EXTL3: variants seen among roughly 807,000 people sequenced by gnomAD.
EXTL3 encodes the protein exostosin like glycosyltransferase 3.
EXTL3 carries 27 observed loss-of-function variants against 69.3 expected under a neutral mutation model. That is an observed-to-expected ratio of 0.39 (90% CI 0.29 to 0.54). EXTL3 has a LOEUF of 0.54. Ranked by LOEUF, EXTL3 falls within the 20% of genes least tolerant of loss-of-function variation. The pLI is 0.69. For synonymous variants in EXTL3, 511 were observed against 499.4 expected, an observed-to-expected ratio of 1.02 and a Z score of -0.31; for missense variants, 1,003 against 1,231.8, an observed-to-expected ratio of 0.81 and a Z score of 2.78.
chr8:28,716,941 C>T lies in EXTL3; in HGVS notation c.882C>T (p.Gly294=), dbSNP rs773851874. ...TQNLLYNVST[G]RAMVAQSTFY... ...ACCTTCTCTATAACGTCAGTACTGG[C>T]CGTGCCATGGTGGCCCAGTCCACCT... Residue 294 remains glycine (G), a synonymous_variant, in exon 3 of 7, where the codon GGC becomes GGT. Transcript: ENST00000220562. This position sits in a 1 kb window ranked among gnomAD's most constrained non-coding sequence, Gnocchi z 7.1. 5 of 1,614,082 alleles carry T rather than the reference C, an allele frequency of 3.1e-6. No homozygotes were observed. The highest frequency in any genetic ancestry group is 4.2e-6 in the Non-Finnish European group (5 of 1,180,040).
At chr8:28,696,241 A>G (rs757626653) in intron 1 of EXTL3, 1 of 152,170 alleles carries the variant, frequency 6.6e-6, no homozygotes, top group African/African-American at 2.4e-5. Flanking sequence ...TGACATACAT[A>G]TAGAAAAGAA....
chr8:28,653,413 G>A (rs1404280715), intron 1 of EXTL3, among the ~76,000 whole-genome samples: 5 of 152,018 alleles, frequency 3.3e-5, no homozygotes, highest in Non-Finnish European at 7.4e-5. Flanking sequence ...TGTTACCTGT[G>A]CTTTTTAAGT....
intron 2 of EXTL3, among the ~76,000 whole-genome samples, chr8:28,614,980 G>C (rs1161195861): frequency 6.6e-6 from 1 of 151,658 alleles, no homozygotes; most frequent in Non-Finnish European, 1.5e-5. Flanking sequence ...TCCATTAGCT[G>C]TTCTTCCTGA....
chr8:28,650,801 T>C (rs1030774275), intron 1 of EXTL3, among the ~76,000 whole-genome samples: 1 of 152,212 alleles, frequency 6.6e-6, no homozygotes, highest in Non-Finnish European at 1.5e-5. Flanking sequence ...GCTAATATTA[T>C]ACAGTCTAAA....
In EXTL3 at chr8:28,701,507, T is replaced by G. The variant is rs996270344; in HGVS notation, c.-722T>G. 6.6e-6 allele frequency: 1 copy of G among 152,422 alleles called. No homozygotes were observed. Among genetic ancestry groups the G allele is most frequent in the South Asian group, 1.8e-4 (1 of 5,558 alleles). 9.4% of individuals were successfully genotyped at this position (152,422 alleles called of 1,614,324 possible). A position where few individuals can be genotyped will look rare whatever the true frequency, so the allele number is the denominator to read the frequency against. Reference sequence around the variant, plus strand: ...CGGCGCCCTTCGGCAAGTTCCGCAGTCGCCTGTCGGAAATGGCTGCCGGCC... The same window carrying G: ...CGGCGCCCTTCGGCAAGTTCCGCAGGCGCCTGTCGGAAATGGCTGCCGGCC... On this transcript the variant is annotated 5_prime_UTR_variant, in exon 1 of 7. Transcript: ENST00000220562.
Position 28,722,498 on chromosome 8 carries a change from G to A in EXTL3, c.2148+4291G>A, listed in dbSNP as rs55853848. Among the ~76,000 whole-genome samples, 897 of 152,156 alleles carry A rather than the reference G, an allele frequency of 5.9e-3. 3 individuals carry two copies. Among genetic ancestry groups the A allele is most frequent in the Non-Finnish European group, 8.5e-3 (581 of 67,994 alleles). The stretch of plus-strand genomic sequence containing the variant: ...TTTTCCAAATGAAAATGATAGTGCC[G>A]GGCGCAGTGGCTCACGCCTGTAATC... On this transcript the variant is annotated intron_variant, in intron 3 of 6. Transcript: ENST00000220562.
chr8:28,674,893 T>C (rs1807354384), intron 1 of EXTL3, among the ~76,000 whole-genome samples: 1 of 151,986 alleles, frequency 6.6e-6, no homozygotes, highest in African/African-American at 2.4e-5. Context: ...CCTGAGGAAA[T>C]AGTAATGGCC....
chr8:28,742,954 T>A, intron 5 of EXTL3, 132 bp from the exon 6 acceptor site: 1 of 909,922 alleles, frequency 1.1e-6, no homozygotes, highest in South Asian at 1.3e-5. Flanking sequence ...CCTGCCCCAG[T>A]CCCTAAGTGC....
At chr8:28,622,436 C>T (rs184590888), upstream of EXTL3, among the ~76,000 whole-genome samples, 3 of 152,226 alleles carry the variant, frequency 2.0e-5, no homozygotes, top group Non-Finnish European at 2.9e-5. Flanking sequence ...TCCCACAATG[C>T]ACCGGGCTCT....
At chr8:28,735,066 TA>T (rs568758394) in intron 4 of EXTL3, among the ~76,000 whole-genome samples, 8 of 150,518 alleles carry the variant, frequency 5.3e-5, no homozygotes, top group African/African-American at 7.3e-5. Context: ...CAGCTGTGAT[TA>T]AAAAAAAAAT....
intron 4 of EXTL3, among the ~76,000 whole-genome samples, chr8:28,736,163 T>C (rs1269960212): frequency 6.6e-6 from 1 of 152,196 alleles, no homozygotes; most frequent in Non-Finnish European, 1.5e-5. Flanking sequence ...TATGTTTGTT[T>C]TGCCACAATT....
chr8:28,685,208 C>T (rs1447658519), intron 1 of EXTL3, among the ~76,000 whole-genome samples: 2 of 152,170 alleles, frequency 1.3e-5, no homozygotes, highest in African/African-American at 4.8e-5. Context: ...CCTCGGCCTC[C>T]CAAAGTGCTG....
At chr8:28,655,558 A>G (rs984719363) in intron 1 of EXTL3, among the ~76,000 whole-genome samples, 3 of 147,420 alleles carry the variant, frequency 2.0e-5, no homozygotes, top group African/African-American at 7.6e-5. Flanking sequence ...TGGCACGATC[A>G]TAGCTCACTG....
chr8:28,619,402 C>T (rs767697739), upstream of EXTL3, among the ~76,000 whole-genome samples: 5 of 149,726 alleles, frequency 3.3e-5, no homozygotes, highest in Non-Finnish European at 5.9e-5. Context: ...GGGTGTTTTC[C>T]TCCCGCCTGA....
intron 1 of EXTL3, among the ~76,000 whole-genome samples, chr8:28,672,789 A>G (rs1354911644): frequency 6.6e-6 from 1 of 152,156 alleles, no homozygotes; most frequent in Admixed American, 6.5e-5. Context: ...AAACCTAGAA[A>G]GGTAACCGAT....
chr8:28,685,985 C>G (rs928002426), intron 1 of EXTL3: 4 of 152,130 alleles, frequency 2.6e-5, no homozygotes, highest in African/African-American at 9.7e-5. Context: ...CCTGCCTCAG[C>G]CTCCTGAGTA....
intron 1 of EXTL3, among the ~76,000 whole-genome samples, chr8:28,704,298 G>A (rs771789976): frequency 9.9e-5 from 15 of 152,240 alleles, no homozygotes; most frequent in Non-Finnish European, 1.9e-4. Context: ...AGAATCTGTT[G>A]GAGAGTGAAA....
intron 2 of EXTL3, among the ~76,000 whole-genome samples, chr8:28,613,804 T>G (rs779179638): frequency 6.6e-6 from 1 of 152,082 alleles, no homozygotes; most frequent in Non-Finnish European, 1.5e-5. Context: ...GGATCAGTAG[T>G]GATGGCCTCT....
intron 2 of EXTL3, among the ~76,000 whole-genome samples, chr8:28,612,958 T>C (rs11136050): frequency 6.6e-6 from 1 of 151,812 alleles, no homozygotes; most frequent in Non-Finnish European, 1.5e-5. Context: ...AGCTTATGTG[T>C]TCCTCCTGCC....
Sources: allele counts gnomAD v4.1 joint callset (sites outside exome capture counted in the v4.1 genomes callset), GRCh38; gene constraint gnomAD v4.1.1; non-coding constraint Gnocchi (gnomAD v3.1); transcripts MANE v1.5; gene names NCBI Gene and HGNC (gene_info 2026-07-23, HGNC 2026-07-21).